Variants in JARID2 observed in about 807,000 individuals in gnomAD.
The protein encoded by JARID2 is jumonji and AT-rich interaction domain containing 2.
JARID2 carries 21 observed loss-of-function variants against 125.6 expected under a neutral mutation model. That is an observed-to-expected ratio of 0.17 (90% CI 0.12 to 0.24). The LOEUF (loss-of-function observed/expected upper bound fraction) is 0.24, where lower values mean the gene tolerates loss of function less well. JARID2 is among the 10% of genes least tolerant of loss of function. The pLI is 1.00. For missense variants in JARID2, 1,303 were observed against 1,639.6 expected (o/e 0.79, Z 3.55); for synonymous variants, 736 against 661.6 (o/e 1.11, Z -1.73).
chr6:15,291,469 T>C (rs138637083), intron 1 of JARID2, among the ~76,000 whole-genome samples: 22 of 152,314 alleles, frequency 1.4e-4, no homozygotes, highest in Non-Finnish European at 2.6e-4. Context: ...ACCTAACTAA[T>C]CTGGTTTCTC....
intron 5 of JARID2, among the ~76,000 whole-genome samples, chr6:15,473,345 G>A (rs1445516225): frequency 6.6e-6 from 1 of 152,144 alleles, no homozygotes; most frequent in Non-Finnish European, 1.5e-5. Context: ...AGGAGCTAAT[G>A]GGAGATGATG....
chr6:15,446,245 G>A (rs922509228), intron 3 of JARID2, among the ~76,000 whole-genome samples: 1 of 152,184 alleles, frequency 6.6e-6, no homozygotes, highest in Admixed American at 6.5e-5. Context: ...ACTTGGTAAG[G>A]CCTGTATATA....
intron 1 of JARID2, among the ~76,000 whole-genome samples, chr6:15,267,863 C>A (rs1237468433): frequency 6.6e-6 from 1 of 152,116 alleles, no homozygotes; most frequent in African/African-American, 2.4e-5. Flanking sequence ...TGAGAAAAAA[C>A]TGCATTCAGC....
At chr6:15,517,844 C>T (rs939987680) in intron 17 of JARID2, among the ~76,000 whole-genome samples, 23 of 152,226 alleles carry the variant, frequency 1.5e-4, no homozygotes, top group Admixed American at 6.5e-5. Context: ...CTGCTCTGCC[C>T]GCCTTCCCCA....
chr6:15,493,708 C>T (rs1308858821), intron 6 of JARID2, among the ~76,000 whole-genome samples: 1 of 151,858 alleles, frequency 6.6e-6, no homozygotes, highest in East Asian at 1.9e-4. Flanking sequence ...AGATCAGCCC[C>T]AGCTGGAGTT....
intron 7 of JARID2, among the ~76,000 whole-genome samples, chr6:15,498,692 G>A (rs1051203530): frequency 6.6e-5 from 10 of 152,264 alleles, no homozygotes; most frequent in African/African-American, 2.4e-4. Context: ...CTCAGCAGGT[G>A]CCTGCCAGGA....
chr6:15,269,568 TA>T lies in JARID2; in HGVS notation c.45+22988del, dbSNP rs1161154620. ...TTTTTTTTTGTAGAGATGGCTATTT[TA>T]AAATTTTTTTTTTTTTTTTTTGGTA... On this transcript the variant is annotated intron_variant, in intron 1 of 17. Transcript: ENST00000341776. Among the ~76,000 whole-genome samples, 428 of 145,194 alleles carry T rather than the reference TA, an allele frequency of 2.9e-3. 2 individuals are homozygous for T. The highest frequency in any genetic ancestry group is 0.01 in the African/African-American group (403 of 39,426).
At chr6:15,267,324 T>C (rs1015424528) in intron 1 of JARID2, among the ~76,000 whole-genome samples, 1 of 152,144 alleles carries the variant, frequency 6.6e-6, no homozygotes, top group African/African-American at 2.4e-5. Flanking sequence ...TCCTTTTATC[T>C]ACATAGAGAT....
rs752048243 is a variant in JARID2 at position 15,496,204 on chromosome 6, G to A, written c.979G>A (p.Glu327Lys). The A allele has an allele frequency of 1.1e-5, 18 of 1,614,088 alleles. 1 individual carries two copies. In the South Asian group the frequency reaches 1.3e-4, roughly 12 times the overall value. The change falls in exon 7 of 18, where the codon GAG becomes AAG. Residue 327 changes from glutamate to lysine, a missense_variant. Glu to Lys is a moderately conservative substitution (Grantham distance 56). Coordinates refer to ENST00000341776, the MANE Select transcript of JARID2 (RefSeq NM_004973.4). ...TGTAACCAGTGCCAAAAAGATGCGC[G>A]AGGTCAGACCTTCACCATCCAAAAC... Reference protein sequence around the residue: ...AGVTSAKKMREVRPSPSKTVK... With the variant: ...AGVTSAKKMRKVRPSPSKTVK...
intron 1 of JARID2, among the ~76,000 whole-genome samples, chr6:15,312,012 C>T (rs1762031431): frequency 6.6e-6 from 1 of 152,170 alleles, no homozygotes; most frequent in South Asian, 2.1e-4. Flanking sequence ...TCTACATATG[C>T]ACCCCTACTG....
intron 1 of JARID2, among the ~76,000 whole-genome samples, chr6:15,260,922 A>T (rs900615089): frequency 1.1e-4 from 17 of 152,194 alleles, no homozygotes; most frequent in African/African-American, 3.6e-4. Flanking sequence ...CACACTTTCT[A>T]TTCAAGTAGC....
intron 1 of JARID2, among the ~76,000 whole-genome samples, chr6:15,262,166 T>C (rs1759908609): frequency 6.6e-6 from 1 of 151,754 alleles, no homozygotes; most frequent in Non-Finnish European, 1.5e-5. Flanking sequence ...TTTTTTTTTT[T>C]TGCCTGTTAA....
Position 15,374,218 on chromosome 6 carries a change from G to A in JARID2, c.147G>A (p.Ala49=), listed in dbSNP as rs779690436. 4.6e-5 allele frequency: 74 copies of A among 1,613,930 alleles called. No individual in the cohort carries two copies. Among genetic ancestry groups the A allele is most frequent in the Non-Finnish European group, 5.9e-5 (70 of 1,179,950 alleles). The change falls in exon 2 of 18, where the codon GCG becomes GCA. Residue 49 remains alanine (A), a synonymous_variant. Coordinates refer to ENST00000341776, the MANE Select transcript of JARID2 (RefSeq NM_004973.4). ...AGAATTCCCAGAAGAGGCAGCATGC[G>A]GAAGGCATTGCTGGGAGCCTGAAAA... ...EFKNSQKRQH[A]EGIAGSLKTV...
chr6:15,324,744 C>T (rs1239339659), intron 1 of JARID2, among the ~76,000 whole-genome samples: 1 of 151,578 alleles, frequency 6.6e-6, no homozygotes, highest in Non-Finnish European at 1.5e-5. Context: ...CTGCCTCGGC[C>T]TCTCACAGTG....
In JARID2 at chr6:15,517,150, C is replaced by T. The variant is rs372428017; in HGVS notation, c.3451-11C>T. The T allele has an allele frequency of 3.4e-5, 54 of 1,605,080 alleles. No individual in the cohort carries two copies. In the African/African-American group the frequency reaches 6.8e-4, roughly 20 times the overall value. Reference sequence around the variant, plus strand: ...CCTCCTGACCTTCGGGTGTCCTGCTCTTGCTTGCAGGTGGTACAAGAGAAC... The same window carrying T: ...CCTCCTGACCTTCGGGTGTCCTGCTTTTGCTTGCAGGTGGTACAAGAGAAC... On this transcript the variant is annotated splice_polypyrimidine_tract_variant and intron_variant, in intron 16 of 17. Transcript: ENST00000341776.
At chr6:15,348,312 G>C (rs1447929900) in intron 1 of JARID2, among the ~76,000 whole-genome samples, 4 of 152,018 alleles carry the variant, frequency 2.6e-5, no homozygotes, top group Non-Finnish European at 4.4e-5. Flanking sequence ...GTCCGGTCTG[G>C]AACTCCTGAC....
chr6:15,354,443 C>T (rs1413371540), intron 1 of JARID2, among the ~76,000 whole-genome samples: 1 of 151,812 alleles, frequency 6.6e-6, no homozygotes, highest in Non-Finnish European at 1.5e-5. Flanking sequence ...AATTTGTTAA[C>T]AGCAGCAACA....
chr6:15,456,676 G>T (rs922851380), intron 4 of JARID2, among the ~76,000 whole-genome samples: 1 of 151,620 alleles, frequency 6.6e-6, no homozygotes, highest in African/African-American at 2.4e-5. Flanking sequence ...ATAGCTTCAT[G>T]ACCCTGAAAA....
At chr6:15,300,751 CAGAG>C (rs1447461040) in intron 1 of JARID2, among the ~76,000 whole-genome samples, 2 of 93,144 alleles carry the variant, frequency 2.1e-5, no homozygotes, top group African/African-American at 8.3e-5. Flanking sequence ...GAGAGAGAGA[CAGAG>C]AGGAGGGGTG....
Sources: gnomAD v4.1 joint callset for allele counts (sites outside exome capture counted in the v4.1 genomes callset) on GRCh38, gnomAD v4.1.1 for gene constraint, MANE v1.5 for transcripts, NCBI Gene and HGNC (gene_info 2026-07-23, HGNC 2026-07-21) for gene names.